TPM1: variants seen among roughly 807,000 people sequenced by gnomAD.
TPM1 encodes the protein tropomyosin alpha-1 chain.
Under a neutral mutation model 42.9 loss-of-function variants are expected in TPM1, and 24 were observed. The observed-to-expected ratio is 0.56, with a 90% CI of 0.41 to 0.79. The LOEUF (loss-of-function observed/expected upper bound fraction) is 0.79, where lower values mean the gene tolerates loss of function less well. Ranked by LOEUF, TPM1 falls within the 30% of genes least tolerant of loss-of-function variation. The pLI, the probability that TPM1 is intolerant of heterozygous loss-of-function variation, is 0.00. For synonymous variants in TPM1, 136 were observed against 130.1 expected, an observed-to-expected ratio of 1.05 and a Z score of -0.31; for missense variants, 158 against 351.8, an observed-to-expected ratio of 0.45 and a Z score of 4.41.
chr15:63,070,918 C>G, downstream of TPM1: 2 of 1,404,434 alleles, frequency 1.4e-6, no homozygotes, highest in Non-Finnish European at 1.9e-6. Context: ...TCAAAGATGC[C>G]CTCCCCTCCG....
chr15:63,060,793 A>G (rs1253051811), intron 4 of TPM1, 76 bp from the exon 5 acceptor site: 19 of 1,526,084 alleles, frequency 1.2e-5, no homozygotes, highest in Non-Finnish European at 1.6e-5. Context: ...ATGGGATCTG[A>G]TCTCTACCCC....
chr15:63,048,298 C>T, intron 2 of TPM1: 1 of 835,946 alleles, frequency 1.2e-6, no homozygotes, highest in Middle Eastern at 2.7e-4. Flanking sequence ...CGCCTTTCTC[C>T]CCGCCGCCGC....
intron 2 of TPM1, among the ~76,000 whole-genome samples, chr15:63,051,827 T>A (rs1416041098): frequency 6.6e-6 from 1 of 152,210 alleles, no homozygotes; most frequent in Non-Finnish European, 1.5e-5. Flanking sequence ...CTGCCATTTT[T>A]AATTTTCTGT....
At chr15:63,057,844 T>C (rs1022635184) in intron 3 of TPM1, among the ~76,000 whole-genome samples, 4 of 152,186 alleles carry the variant, frequency 2.6e-5, no homozygotes, top group African/African-American at 7.2e-5. Flanking sequence ...CCATATTGCA[T>C]AGAAGTACTT....
At chr15:63,060,989 T>C in intron 5 of TPM1, 50 bp downstream of exon 5, 5 of 1,604,226 alleles carry the variant, frequency 3.1e-6, no homozygotes, top group Non-Finnish European at 4.3e-6. Flanking sequence ...TGCAGAGCAG[T>C]GACTAAACAG....
At chr15:63,056,904 G>A (rs2034891862) in intron 2 of TPM1, 81 bp from the exon 3 acceptor site, 6 of 1,589,434 alleles carry the variant, frequency 3.8e-6, no homozygotes, top group Admixed American at 3.3e-5. Context: ...TCTGAAATCA[G>A]CATTGCAGTC....
chr15:63,045,374 G>C (rs1364435328), intron 2 of TPM1: 4 of 152,192 alleles, frequency 2.6e-5, no homozygotes, highest in Admixed American at 1.3e-4. Context: ...GGGAAGCACT[G>C]ATTTCGCTAA....
intron 5 of TPM1, 157 bp downstream of exon 5, chr15:63,061,096 C>A: frequency 6.9e-7 from 1 of 1,458,636 alleles, no homozygotes; most frequent in Non-Finnish European, 9.6e-7. Flanking sequence ...ACATGGAGGA[C>A]TCGTGTGGGG....
At chr15:63,049,582 A>G (rs778539722) in intron 2 of TPM1, among the ~76,000 whole-genome samples, 27 of 152,160 alleles carry the variant, frequency 1.8e-4, no homozygotes, top group Admixed American at 1.4e-3. Context: ...TACTGAAACA[A>G]ACACCTTGGG....
At chr15:63,062,189 A>T in intron 6 of TPM1, 26 bp from the exon 7 acceptor site, 2 of 1,609,740 alleles carry the variant, frequency 1.2e-6, no homozygotes, top group Non-Finnish European at 1.7e-6. Context: ...GCAGCCTGAC[A>T]TCTGGAATGC....
intron 1 of TPM1, chr15:63,043,698 GC>G: frequency 1.3e-6 from 2 of 1,544,716 alleles, no homozygotes; most frequent in Non-Finnish European, 1.7e-6. Flanking sequence ...GCCCGCCGCT[GC>G]CCCCAGCTCG....
At chr15:63,053,894 C>T (rs969351274) in intron 2 of TPM1, among the ~76,000 whole-genome samples, 11 of 151,910 alleles carry the variant, frequency 7.2e-5, no homozygotes, top group African/African-American at 2.7e-4. Context: ...GTTGGTCAGG[C>T]TGGTCTCGAA....
At position 63,059,699 on chromosome 15, in the gene TPM1, A is replaced by G. The variant is rs922569916; in HGVS notation, c.492+19A>G. The G allele has an allele frequency of 1.0e-5, 16 of 1,575,906 alleles. No homozygotes were observed. Among genetic ancestry groups the G allele is most frequent in the Non-Finnish European group, 1.4e-5 (16 of 1,148,502 alleles). On this transcript the variant is annotated intron_variant, in intron 4 of 9. Transcript: ENST00000403994. ...TGAAGAGGTCAGATCCTGGGGCCCAAAGCCTTGTGGACACCCAGCAGTGGC... is the reference window on the plus strand; with the variant it reads ...TGAAGAGGTCAGATCCTGGGGCCCAGAGCCTTGTGGACACCCAGCAGTGGC...
chr15:63,062,440 G>A (rs547800635), intron 7 of TPM1, 136 bp from the exon 8 acceptor site: 2 of 1,268,068 alleles, frequency 1.6e-6, no homozygotes, highest in Admixed American at 3.6e-5. Context: ...TTCTCACAGA[G>A]GTGACTGAAA....
chr15:63,048,088 G>C, intron 2 of TPM1: 1 of 384,442 alleles, frequency 2.6e-6, no homozygotes, highest in Non-Finnish European at 5.1e-6. Context: ...AGCTTCTCTG[G>C]CTCCCGGGCA....
At chr15:63,044,865 C>G (rs762017974) in intron 2 of TPM1, 1 of 154,430 alleles carries the variant, frequency 6.5e-6, no homozygotes, top group African/African-American at 2.4e-5. Flanking sequence ...GCCCCGCCCC[C>G]ACCTGTCAGC....
At chr15:63,062,852 C>A in intron 8 of TPM1, 1 of 1,525,336 alleles carries the variant, frequency 6.6e-7, no homozygotes. Context: ...AGCCACCAGC[C>A]ATAGTGGCAA....
At chr15:63,062,300 A>G (rs1456617619) in intron 7 of TPM1, 23 bp downstream of exon 7, 2 of 1,610,502 alleles carry the variant, frequency 1.2e-6, no homozygotes, top group African/African-American at 2.7e-5. Context: ...TTGTGGATGA[A>G]GCCAACTGGA....
downstream of TPM1, among the ~76,000 whole-genome samples, chr15:63,066,867 A>G (rs1458569483): frequency 1.3e-5 from 2 of 148,986 alleles, no homozygotes; most frequent in Non-Finnish European, 1.5e-5. Flanking sequence ...ATTTGTGGAC[A>G]TTTTTAAAAT....
Sources: gnomAD v4.1 joint callset for allele counts (sites outside exome capture counted in the v4.1 genomes callset) on GRCh38, gnomAD v4.1.1 for gene constraint, MANE v1.5 for transcripts, NCBI Gene and HGNC (gene_info 2026-07-23, HGNC 2026-07-21) for gene names.